Variants in AP2S1 observed in about 807,000 individuals in gnomAD.
AP2S1 encodes adaptor related protein complex 2 subunit sigma 1.
In AP2S1, 6 loss-of-function variants were observed where a neutral mutation model predicts 21.0. The observed-to-expected ratio is 0.29, with a 90% CI of 0.16 to 0.56. AP2S1 has a LOEUF of 0.56. AP2S1 is among the 20% of genes least tolerant of loss of function. The pLI, the probability that AP2S1 is intolerant of heterozygous loss-of-function variation, is 0.92. For synonymous variants in AP2S1, 63 were observed against 74.6 expected (o/e 0.84, Z 0.80); for missense variants, 60 against 186.2 (o/e 0.32, Z 3.95).
At chr19:46,839,439 C>CCCCCGAAAA in intron 3 of AP2S1, 26 bp downstream of exon 3, 4 of 1,569,676 alleles carry the variant, frequency 2.5e-6, no homozygotes, top group Non-Finnish European at 3.5e-6. Context: ...CCCGCCTCCC[C>CCCCCGAAAA]ACCTTACATC....
chr19:46,846,690 G>T (rs911639120), intron 1 of AP2S1, among the ~76,000 whole-genome samples: 1 of 152,082 alleles, frequency 6.6e-6, no homozygotes, highest in Non-Finnish European at 1.5e-5. Flanking sequence ...TTTTCAGACA[G>T]TGTCTCATTC....
At chr19:46,846,185 G>A in intron 1 of AP2S1, 43 bp from the exon 2 acceptor site, 2 of 1,611,068 alleles carry the variant, frequency 1.2e-6, no homozygotes, top group Non-Finnish European at 1.7e-6. Flanking sequence ...GAGAGGCAGA[G>A]AGGGCGGGTT....
chr19:46,844,657 GCTT>G (rs1653828591), intron 2 of AP2S1, among the ~76,000 whole-genome samples: 1 of 151,990 alleles, frequency 6.6e-6, no homozygotes, highest in South Asian at 2.1e-4. Flanking sequence ...TATTAGCTGG[GCTT>G]GGTAGTGCAC....
intron 1 of AP2S1, among the ~76,000 whole-genome samples, chr19:46,849,548 C>T (rs746757392): frequency 2.6e-5 from 4 of 152,166 alleles, no homozygotes; most frequent in Non-Finnish European, 4.4e-5. Flanking sequence ...TAGAAGCAAA[C>T]CCACAGAGTT....
In AP2S1 at chr19:46,839,863, G is replaced by T. The variant is rs558259885; in HGVS notation, c.154-285C>A. Among the ~76,000 whole-genome samples the T allele has an allele frequency of 4.9e-4, 74 of 152,174 alleles. 1 individual carries two copies. Among genetic ancestry groups the T allele is most frequent in the Admixed American group, 1.4e-3 (22 of 15,272 alleles). On this transcript the variant is annotated intron_variant, in intron 2 of 4. Transcript: ENST00000263270. ...GTCAGGAGGGCTTCCTGGAGGAGGG[G>T]GTATCGGAGCTGAGAGCTGGAGGAT...
chr19:46,844,025 T>C (rs1490669319), intron 2 of AP2S1, among the ~76,000 whole-genome samples: 3 of 152,020 alleles, frequency 2.0e-5, no homozygotes, highest in Non-Finnish European at 2.9e-5. Context: ...ATTCTCCTGC[T>C]TCAGCCTCCC....
At chr19:46,840,836 G>A (rs1247251232) in intron 2 of AP2S1, among the ~76,000 whole-genome samples, 3 of 149,892 alleles carry the variant, frequency 2.0e-5, no homozygotes, top group Non-Finnish European at 4.4e-5. Flanking sequence ...TCCTGCCTCA[G>A]TCTCCCGAGT....
In AP2S1 at chr19:46,839,531, G is replaced by A. The variant is rs750438718; in HGVS notation, c.201C>T (p.Phe67=). 4.3e-6 allele frequency: 7 copies of A among 1,613,622 alleles called. No homozygotes were observed. The highest frequency in any genetic ancestry group is 3.4e-6 in the Non-Finnish European group (4 of 1,179,866). Residue 67 remains phenylalanine (F), a synonymous_variant, in exon 3 of 5, where the codon TTC becomes TTT. Transcript: ENST00000263270. The stretch of plus-strand genomic sequence containing the variant: ...TGTCATTGACATCCACACAGATGCA[G>A]AAGTAGAGGCCAGCATAGCGGCGGT... ...IIYRRYAGLY[F]CICVDVNDNN...
At chr19:46,849,666 G>A (rs529886977) in intron 1 of AP2S1, among the ~76,000 whole-genome samples, 1 of 151,940 alleles carries the variant, frequency 6.6e-6, no homozygotes, top group South Asian at 2.1e-4. Context: ...GCATCCTCAC[G>A]CCTCTGCTGT....
chr19:46,839,424 G>GGCCCCCCCCCCCCCCCCCC, intron 3 of AP2S1, 41 bp downstream of exon 3: 1 of 1,504,486 alleles, frequency 6.6e-7, no homozygotes. Context: ...CTCCAGGGCT[G>GGCCCCCCCCCCCCCCCCCC]CCCACCCGCC....
chr19:46,844,087 T>A (rs1304875991), intron 2 of AP2S1, among the ~76,000 whole-genome samples: 1 of 152,008 alleles, frequency 6.6e-6, no homozygotes, highest in African/African-American at 2.4e-5. Context: ...ATTTTTGTAT[T>A]TTTAGTAGAG....
intron 2 of AP2S1, among the ~76,000 whole-genome samples, chr19:46,842,539 A>G (rs529580095): frequency 1.3e-5 from 2 of 152,200 alleles, no homozygotes; most frequent in South Asian, 2.1e-4. Context: ...GGCATGGAGG[A>G]ACTCAAGACC....
At chr19:46,839,828 A>AC (rs1433263185) in intron 2 of AP2S1, among the ~76,000 whole-genome samples, 1 of 75,906 alleles carries the variant, frequency 1.3e-5, no homozygotes, top group African/African-American at 6.4e-5. Context: ...ACCCCCTCTG[A>AC]TCCTGGAGAG....
At chr19:46,840,544 G>A (rs1470536368) in intron 2 of AP2S1, among the ~76,000 whole-genome samples, 1 of 151,742 alleles carries the variant, frequency 6.6e-6, no homozygotes, top group East Asian at 1.9e-4. Flanking sequence ...GGAGGCTGAG[G>A]TGGGGAGATG....
chr19:46,838,339 C>A lies in AP2S1; in HGVS notation c.*108G>T, dbSNP rs891969807. The A allele has an allele frequency of 1.8e-6, 2 of 1,094,232 alleles. No individual in the cohort carries two copies. The highest frequency in any genetic ancestry group is 4.0e-5 in the Admixed American group (2 of 50,306). The allele number at this position is 1,094,232 out of a possible 1,614,324, so 67.8% of individuals were successfully genotyped here. A position where few individuals can be genotyped will look rare whatever the true frequency, so the allele number is the denominator to read the frequency against. ...GGCCCAGACCCAGCTGGGTCCCTTC[C>A]TCCTAGGCAGCTGAGGGAAGGACTG... On this transcript the variant is annotated 3_prime_UTR_variant, in exon 5 of 5. Coordinates refer to ENST00000263270, the MANE Select transcript of AP2S1 (RefSeq NM_004069.6). The surrounding 1 kb of genome is among the most constrained non-coding windows in gnomAD (Gnocchi z 4.1).
chr19:46,838,318 C>T lies in AP2S1; in HGVS notation c.*129G>A. 1 of 845,936 alleles carries T rather than the reference C, an allele frequency of 1.2e-6. No homozygotes were observed. Among genetic ancestry groups the T allele is most frequent in the Non-Finnish European group, 1.9e-6 (1 of 528,330 alleles). The allele number at this position is 845,936 out of a possible 1,614,324, so 52.4% of individuals were successfully genotyped here. A position where few individuals can be genotyped will look rare whatever the true frequency, so the allele number is the denominator to read the frequency against. On this transcript the variant is annotated 3_prime_UTR_variant, in exon 5 of 5. Coordinates refer to ENST00000263270, the MANE Select transcript of AP2S1 (RefSeq NM_004069.6). This position sits in a 1 kb window ranked among gnomAD's most constrained non-coding sequence, Gnocchi z 4.1. ...GGGTGCAGTCTCCTCCCTTGTGGCC[C>T]AGACCCAGCTGGGTCCCTTCCTCCT...
rs138339968 is a variant in AP2S1, at chr19:46,842,448, C to T, written c.154-2870G>A. Among the ~76,000 whole-genome samples, 1,137 of 152,270 alleles carry T rather than the reference C, an allele frequency of 7.5e-3. 7 individuals are homozygous for T. The highest frequency in any genetic ancestry group is 0.01 in the Non-Finnish European group (706 of 68,022). Reference sequence around the variant, plus strand: ...GCTGTGAACCTAGCACTGGGCTGATCACAGAGGAGGCACACAGAAACATTA... The same window carrying T: ...GCTGTGAACCTAGCACTGGGCTGATTACAGAGGAGGCACACAGAAACATTA... On this transcript the variant is annotated intron_variant, in intron 2 of 4. Coordinates refer to ENST00000263270, the MANE Select transcript of AP2S1 (RefSeq NM_004069.6).
chr19:46,839,312 A>AAAAAAAAAAG (rs1568444107), intron 3 of AP2S1, among the ~76,000 whole-genome samples, 153 bp downstream of exon 3: 1 of 144,150 alleles, frequency 6.9e-6, no homozygotes, highest in African/African-American at 2.8e-5. Flanking sequence ...AAAAAAAAAA[A>AAAAAAAAAAG]AAAAAGAAAA....
At chr19:46,845,042 G>C (rs2055601929) in intron 2 of AP2S1, among the ~76,000 whole-genome samples, 1 of 146,278 alleles carries the variant, frequency 6.8e-6, no homozygotes, top group African/African-American at 2.6e-5. Context: ...AGGTTGCAGT[G>C]AGCCAAGATT....
Sources: allele counts gnomAD v4.1 joint callset (sites outside exome capture counted in the v4.1 genomes callset), GRCh38; gene constraint gnomAD v4.1.1; non-coding constraint Gnocchi (gnomAD v3.1); transcripts MANE v1.5; gene names NCBI Gene and HGNC (gene_info 2026-07-23, HGNC 2026-07-21).